PTPRD: variants seen among roughly 807,000 people sequenced by gnomAD.
PTPRD encodes the protein receptor-type tyrosine-protein phosphatase delta.
In PTPRD, 34 loss-of-function variants were observed where a neutral mutation model predicts 214.5. That is an observed-to-expected ratio of 0.16 (90% CI 0.12 to 0.21). The LOEUF (loss-of-function observed/expected upper bound fraction) is 0.21. Among genes scored for constraint, PTPRD ranks in the 10% least tolerant of loss-of-function variants. The pLI is 1.00. For synonymous variants in PTPRD, 1,128 were observed against 845.7 expected, an observed-to-expected ratio of 1.33 and a Z score of -5.79; for missense variants, 2,545 against 2,398.7, an observed-to-expected ratio of 1.06 and a Z score of -1.27.
chr9:9,009,066 C>T (rs1756737440), intron 11 of PTPRD, among the ~76,000 whole-genome samples: 1 of 152,090 alleles, frequency 6.6e-6, no homozygotes, highest in African/African-American at 2.4e-5. Context: ...CCCATATAAT[C>T]AGGCTAATGT....
At chr9:8,459,037 A>G (rs1286940827) in intron 33 of PTPRD, among the ~76,000 whole-genome samples, 2 of 152,138 alleles carry the variant, frequency 1.3e-5, no homozygotes, top group Non-Finnish European at 2.9e-5. Flanking sequence ...GGAGCCTTTT[A>G]AAAACAAGTT....
intron 11 of PTPRD, among the ~76,000 whole-genome samples, chr9:8,779,777 G>C (rs536986885): frequency 6.6e-6 from 1 of 151,292 alleles, no homozygotes; most frequent in African/African-American, 2.4e-5. Context: ...GGCCCAAGAA[G>C]GCATATTTGC....
At chr9:10,395,156 T>G (rs767602802) in intron 2 of PTPRD, among the ~76,000 whole-genome samples, 10 of 151,640 alleles carry the variant, frequency 6.6e-5, no homozygotes, top group Non-Finnish European at 8.8e-5. Flanking sequence ...AGCCTGCAGG[T>G]TTGTTAACAC....
chr9:9,729,973 G>A (rs2098160310), intron 7 of PTPRD, among the ~76,000 whole-genome samples: 1 of 151,992 alleles, frequency 6.6e-6, no homozygotes, highest in Admixed American at 6.6e-5. Flanking sequence ...TGTGAGATTG[G>A]TATATATGTT....
intron 4 of PTPRD, among the ~76,000 whole-genome samples, chr9:9,989,964 G>C (rs184665103): frequency 6.6e-6 from 1 of 152,130 alleles, no homozygotes; most frequent in African/African-American, 2.4e-5. Flanking sequence ...CACAAGTCCC[G>C]CAAAGGGGTC....
chr9:9,579,742 T>C lies in PTPRD; in HGVS notation c.-286-4961A>G, dbSNP rs117348507. On this transcript the variant is annotated intron_variant, in intron 7 of 45. Coordinates refer to ENST00000381196, the MANE Select transcript of PTPRD (RefSeq NM_002839.4). ...TAAATTTGAGGGGTATAAGTATAAT[T>C]TGGTTATATGCATATATCACATAGT... Among the ~76,000 whole-genome samples the C allele has an allele frequency of 5.7e-3, 872 of 152,248 alleles. 5 individuals carry two copies. Among genetic ancestry groups the C allele is most frequent in the Non-Finnish European group, 8.1e-3 (550 of 68,016 alleles).
At chr9:10,380,810 T>C (rs1459234194) in intron 2 of PTPRD, among the ~76,000 whole-genome samples, 1 of 152,012 alleles carries the variant, frequency 6.6e-6, no homozygotes, top group Non-Finnish European at 1.5e-5. Context: ...CCTAGTTTGA[T>C]ACCTAGATAT....
chr9:9,952,202 G>A (rs1051837098), intron 4 of PTPRD, among the ~76,000 whole-genome samples: 1 of 152,076 alleles, frequency 6.6e-6, no homozygotes, highest in Admixed American at 6.6e-5. Context: ...AAGGAGAAAT[G>A]GTAACTTTGA....
chr9:9,361,945 T>C (rs879305148), intron 9 of PTPRD, among the ~76,000 whole-genome samples: 8 of 151,078 alleles, frequency 5.3e-5, no homozygotes, highest in Admixed American at 6.6e-5. Flanking sequence ...CTCATATATG[T>C]TGGATATTTA....
At chr9:8,485,498 T>G (rs1000209570) in intron 28 of PTPRD, 174 bp from the exon 29 acceptor site, 1 of 621,760 alleles carries the variant, frequency 1.6e-6, no homozygotes, top group East Asian at 2.8e-5. Context: ...CTCACAGAGA[T>G]CTTTCCTTTC....
chr9:8,803,124 G>C (rs2096605188), intron 11 of PTPRD, among the ~76,000 whole-genome samples: 2 of 152,034 alleles, frequency 1.3e-5, no homozygotes. Flanking sequence ...GCGGTTAAAA[G>C]AACTACACAA....
intron 11 of PTPRD, among the ~76,000 whole-genome samples, chr9:8,986,092 C>G (rs140501832): frequency 5.5e-4 from 83 of 152,130 alleles, no homozygotes; most frequent in African/African-American, 1.9e-3. Flanking sequence ...TTCAGTTATG[C>G]ATGGATTAGT....
Position 8,703,752 on chromosome 9 carries a change from A to T in PTPRD, c.64+30028T>A, listed in dbSNP as rs184696937. 3.9e-3 allele frequency among the ~76,000 whole-genome samples: 588 copies of T among 152,206 alleles called. 2 individuals carry two copies. The highest frequency in any genetic ancestry group is 6.8e-3 in the Middle Eastern group (2 of 294). On this transcript the variant is annotated intron_variant, in intron 12 of 45. Transcript: ENST00000381196. ...CTCTGTCACCATTTATATGCTAGCG[A>T]CTTCCAAGAGAATATCCCCAGCCCA... is the stretch of plus-strand genomic sequence containing the variant.
intron 14 of PTPRD, among the ~76,000 whole-genome samples, chr9:8,551,597 T>G (rs1356547546): frequency 1.3e-5 from 2 of 152,226 alleles, no homozygotes; most frequent in South Asian, 4.1e-4. Context: ...TCATTTTAAG[T>G]AGCTTCAGAT....
intron 3 of PTPRD, among the ~76,000 whole-genome samples, chr9:10,137,960 T>A (rs922144718): frequency 2.0e-5 from 3 of 151,826 alleles, no homozygotes; most frequent in Admixed American, 2.0e-4. Context: ...AAATTAATAA[T>A]CTAACATCAC....
chr9:9,456,991 T>G (rs1212874359), intron 8 of PTPRD, among the ~76,000 whole-genome samples: 1 of 152,032 alleles, frequency 6.6e-6, no homozygotes, highest in East Asian at 1.9e-4. Context: ...ATGACAAGTT[T>G]GGAAAAGTAG....
Position 9,906,095 on chromosome 9 carries a change from C to T in PTPRD, c.-368+32412G>A, listed in dbSNP as rs545670117. On this transcript the variant is annotated intron_variant, in intron 5 of 45. Transcript: ENST00000381196. ...AAATACAGGATGCCTGCGAGGCAAA[C>T]TCCTGGAGTTTTGTGCAGGCATACA... Among the ~76,000 whole-genome samples, 3 of 152,044 alleles carry T rather than the reference C, an allele frequency of 2.0e-5. No individual in the cohort carries two copies. The South Asian group carries it at 6.2e-4, about 32-fold the overall frequency.
intron 7 of PTPRD, among the ~76,000 whole-genome samples, chr9:9,651,976 A>G (rs2096370633): frequency 6.6e-6 from 1 of 150,976 alleles, no homozygotes; most frequent in African/African-American, 2.4e-5. Flanking sequence ...CTGGGACCAC[A>G]GGCGCCTGCC....
intron 11 of PTPRD, among the ~76,000 whole-genome samples, chr9:8,905,738 C>CAA (rs58429749): frequency 0.047 from 4,659 of 98,882 alleles, 270 homozygotes; most frequent in African/African-American, 0.14. Context: ...GACTCCCTCG[C>CAA]AAAAAAAAAA....
Sources: gnomAD v4.1 joint callset for allele counts (sites outside exome capture counted in the v4.1 genomes callset) on GRCh38, gnomAD v4.1.1 for gene constraint, MANE v1.5 for transcripts, NCBI Gene and HGNC (gene_info 2026-07-23, HGNC 2026-07-21) for gene names.